Variants in NFIA observed in about 807,000 individuals in gnomAD.
NFIA encodes nuclear factor I A.
NFIA carries 8 observed loss-of-function variants against 62.8 expected under a neutral mutation model. The ratio of observed to expected loss-of-function variants is 0.13; its 90% CI spans 0.07 to 0.23. The LOEUF is 0.23. NFIA is among the 10% of genes least tolerant of loss of function. The pLI, the probability that NFIA is intolerant of heterozygous loss-of-function variation, is 1.00. For synonymous variants in NFIA, 235 were observed against 238.1 expected (o/e 0.99, Z 0.12); for missense variants, 410 against 642.1 (o/e 0.64, Z 3.91).
intron 2 of NFIA, among the ~76,000 whole-genome samples, chr1:61,274,030 C>T (rs1418640140): frequency 6.6e-6 from 1 of 152,148 alleles, no homozygotes; most frequent in Admixed American, 6.5e-5. Context: ...GTAGCAAATC[C>T]AGTACAAGGT....
intron 3 of NFIA, among the ~76,000 whole-genome samples, chr1:61,330,958 ATG>A (rs1252808729): frequency 1.3e-5 from 2 of 152,108 alleles, no homozygotes; most frequent in East Asian, 3.9e-4. Context: ...TAAGAAAGAG[ATG>A]TTGTGGTCTG....
intron 3 of NFIA, among the ~76,000 whole-genome samples, chr1:61,321,766 T>C (rs1660691100): frequency 6.6e-6 from 1 of 152,158 alleles, no homozygotes; most frequent in Non-Finnish European, 1.5e-5. Flanking sequence ...GGATCTGATA[T>C]TTGCAAAGAT....
chr1:61,339,112 A>G (rs951616373), intron 4 of NFIA, among the ~76,000 whole-genome samples: 2 of 152,228 alleles, frequency 1.3e-5, no homozygotes, highest in Non-Finnish European at 2.9e-5. Context: ...TCAATATCCT[A>G]TTAAAGCAGC....
At position 61,383,294 on chromosome 1, in the gene NFIA, C is replaced by G; in HGVS notation, c.1004C>G (p.Ser335Cys). The change falls in exon 7 of 11, where the codon TCC becomes TGC. Residue 335 changes from serine (S) to cysteine (C), a missense_variant. Around this residue, in one of 3 missense-constraint regions of NFIA, gnomAD observed 298 missense variants for 438.1 expected, o/e 0.68. Coordinates refer to ENST00000403491, the MANE Select transcript of NFIA (RefSeq NM_001134673.4). ...KSEKSGFSSP[S>C]PSQTSSLGTA... is the part of the protein sequence containing the mutation. ...GAGAAGTCTGGTTTCAGCAGCCCCTCCCCTTCACAGACCTCCTCCCTGGGA... is the reference window on the plus strand; with the variant it reads ...GAGAAGTCTGGTTTCAGCAGCCCCTGCCCTTCACAGACCTCCTCCCTGGGA... 6.2e-7 allele frequency: 1 copy of G among 1,614,076 alleles called. No homozygotes were observed. The highest frequency in any genetic ancestry group is 8.5e-7 in the Non-Finnish European group (1 of 1,179,938).
At chr1:61,247,030 T>C (rs1655689782) in intron 2 of NFIA, among the ~76,000 whole-genome samples, 1 of 152,210 alleles carries the variant, frequency 6.6e-6, no homozygotes, top group African/African-American at 2.4e-5. Context: ...GTTTGTCTCA[T>C]GATAAGTTTT....
chr1:61,261,961 T>A (rs1656795069), intron 2 of NFIA, among the ~76,000 whole-genome samples: 1 of 152,194 alleles, frequency 6.6e-6, no homozygotes, highest in African/African-American at 2.4e-5. Flanking sequence ...TGATCTTTTT[T>A]ATTTTAAAAC....
intron 2 of NFIA, among the ~76,000 whole-genome samples, chr1:61,226,305 A>G (rs1654326197): frequency 1.3e-5 from 2 of 152,210 alleles, no homozygotes; most frequent in South Asian, 4.1e-4. Flanking sequence ...CCAGATATGT[A>G]TTTACATGAT....
At chr1:61,167,810 C>T (rs1030889040) in intron 2 of NFIA, among the ~76,000 whole-genome samples, 3 of 152,274 alleles carry the variant, frequency 2.0e-5, no homozygotes, top group Admixed American at 1.3e-4. Context: ...TTCTCTACCA[C>T]CAAGCTTTCA....
rs151156138 is a variant in NFIA at position 61,383,298 on chromosome 1, T to C, written c.1008T>C (p.Pro336=). 7 of 1,614,026 alleles carry C rather than the reference T, an allele frequency of 4.3e-6. No homozygotes were observed. Among genetic ancestry groups the C allele is most frequent in the South Asian group, 2.2e-5 (2 of 91,078 alleles). ...SEKSGFSSPS[P]SQTSSLGTAF... ...AGTCTGGTTTCAGCAGCCCCTCCCC[T>C]TCACAGACCTCCTCCCTGGGAACGG... Residue 336 remains proline (P), a synonymous_variant, in exon 7 of 11, where the codon CCT becomes CCC. Coordinates refer to ENST00000403491, the MANE Select transcript of NFIA (RefSeq NM_001134673.4).
At chr1:61,333,064 CACAT>C (rs1350196820) in intron 4 of NFIA, among the ~76,000 whole-genome samples, 87 of 138,556 alleles carry the variant, frequency 6.3e-4, no homozygotes, top group South Asian at 2.1e-3. Context: ...CACACACACA[CACAT>C]ACACACACAC....
chr1:61,132,886 C>T (rs969235452), intron 2 of NFIA: 7 of 152,182 alleles, frequency 4.6e-5, no homozygotes, highest in Admixed American at 3.9e-4. Context: ...CCTACCACTG[C>T]GTTAATTTCC....
intron 2 of NFIA, chr1:61,253,553 T>C (rs1656183533): frequency 6.6e-6 from 1 of 152,274 alleles, no homozygotes; most frequent in South Asian, 2.1e-4. Context: ...AGCTCACAGA[T>C]GGGGACTGTT....
rs139698728 is a variant in NFIA, at chr1:61,274,168, T to C, written c.560-3352T>C. Among the ~76,000 whole-genome samples, 239 of 152,332 alleles carry C rather than the reference T, an allele frequency of 1.6e-3. 2 individuals carry two copies. Among genetic ancestry groups the C allele is most frequent in the African/African-American group, 4.8e-3 (201 of 41,582 alleles). On this transcript the variant is annotated intron_variant, in intron 2 of 10. Coordinates refer to ENST00000403491, the MANE Select transcript of NFIA (RefSeq NM_001134673.4). Reference sequence around the variant, plus strand: ...TCTTTGTCTGAGTACTCCAGCAATATAGCTGTAGGCGCCATAAAACTGCAT... The same window carrying C: ...TCTTTGTCTGAGTACTCCAGCAATACAGCTGTAGGCGCCATAAAACTGCAT...
At chr1:61,400,673 T>C (rs2100515470) in intron 7 of NFIA, among the ~76,000 whole-genome samples, 1 of 152,332 alleles carries the variant, frequency 6.6e-6, no homozygotes, top group Non-Finnish European at 1.5e-5. Flanking sequence ...GACATGTTTT[T>C]CTTCGTCAAA....
At chr1:61,409,465 A>G (rs961193165) in intron 9 of NFIA, among the ~76,000 whole-genome samples, 13 of 152,334 alleles carry the variant, frequency 8.5e-5, no homozygotes, top group African/African-American at 2.6e-4. Context: ...AGCCTTTCAA[A>G]TTAAAAATCT....
At chr1:61,316,458 A>G (rs749900704) in intron 3 of NFIA, among the ~76,000 whole-genome samples, 1 of 152,196 alleles carries the variant, frequency 6.6e-6, no homozygotes, top group Non-Finnish European at 1.5e-5. Context: ...CCTTAAGGGT[A>G]TTCAAAAATG....
intron 7 of NFIA, among the ~76,000 whole-genome samples, chr1:61,398,539 T>A (rs759296280): frequency 2.6e-5 from 4 of 152,204 alleles, no homozygotes; most frequent in Non-Finnish European, 5.9e-5. Flanking sequence ...AAAACACTGG[T>A]GTTTTGCAAG....
At chr1:61,435,038 T>C (rs1420842842) in intron 10 of NFIA, among the ~76,000 whole-genome samples, 1 of 152,120 alleles carries the variant, frequency 6.6e-6, no homozygotes, top group East Asian at 1.9e-4. Flanking sequence ...TAGAAAACCA[T>C]AGTGCCAAGT....
intron 2 of NFIA, among the ~76,000 whole-genome samples, chr1:61,163,660 A>G (rs899361852): frequency 6.6e-6 from 1 of 152,236 alleles, no homozygotes; most frequent in Non-Finnish European, 1.5e-5. Context: ...AAAAAAAGAC[A>G]TACTTTTATA....
Sources: gnomAD v4.1 joint callset for allele counts (sites outside exome capture counted in the v4.1 genomes callset) on GRCh38, gnomAD v4.1.1 for gene constraint, gnomAD v4.1.1 regional missense constraint, MANE v1.5 for transcripts, NCBI Gene and HGNC (gene_info 2026-07-23, HGNC 2026-07-21) for gene names.